ENPP2: variants seen among roughly 807,000 people sequenced by gnomAD.
ENPP2 encodes the protein autotaxin.
Under a neutral mutation model 120.2 loss-of-function variants are expected in ENPP2, and 51 were observed. The observed-to-expected ratio is 0.42, with a 90% CI of 0.34 to 0.54. The LOEUF is 0.54. Among genes scored for constraint, ENPP2 ranks in the 20% least tolerant of loss-of-function variants. The pLI, the probability that ENPP2 is intolerant of heterozygous loss-of-function variation, is 0.04. For missense variants in ENPP2, 920 were observed against 1,066.5 expected (o/e 0.86, Z 1.91); for synonymous variants, 365 against 366.4 (o/e 1.00, Z 0.04).
intron 21 of ENPP2, among the ~76,000 whole-genome samples, chr8:119,568,763 C>CTAA (rs1457837209): frequency 6.6e-6 from 1 of 152,084 alleles, no homozygotes. Flanking sequence ...ACCAGCTCAG[C>CTAA]TAATTTTTTA....
chr8:119,601,440 T>A lies in ENPP2; in HGVS notation c.856A>T (p.Ile286Leu). 6.2e-7 allele frequency: 1 copy of A among 1,613,268 alleles called. No homozygotes were observed. The highest frequency in any genetic ancestry group is 8.5e-7 in the Non-Finnish European group (1 of 1,179,268). ...WSVVIPHERRILTILQWLTLP... is the reference protein window; with the variant it reads ...WSVVIPHERRLLTILQWLTLP... Reference sequence around the variant, plus strand: ...GTGAGCCACTGCAATATGGTTAATATTCTCCGCTCGTGAGGGATGACACTG... The same window carrying A: ...GTGAGCCACTGCAATATGGTTAATAATCTCCGCTCGTGAGGGATGACACTG... The change falls in exon 10 of 25, where the codon ATA (isoleucine) becomes TTA (leucine). Residue 286 changes from isoleucine to leucine, a missense_variant. By Grantham distance (5) the Ile-to-Leu change is conservative. Coordinates refer to ENST00000075322, the MANE Select transcript of ENPP2 (RefSeq NM_001040092.3).
rs2129817793 is a variant in ENPP2, at chr8:119,557,428, AT to A, written c.*92del. 9.4e-7 allele frequency: 1 copy of A among 1,059,328 alleles called. No individual in the cohort carries two copies. Among genetic ancestry groups the A allele is most frequent in the South Asian group, 1.6e-5 (1 of 63,418 alleles). The allele number at this position is 1,059,328 out of a possible 1,614,324, so 65.6% of individuals were successfully genotyped here. A position where few individuals can be genotyped will look rare whatever the true frequency, so the allele number is the denominator to read the frequency against. ...TTTGGTACAGGATTAAAATACTAAC[AT>A]TTTTAATGTCCTGGTTTCAAATTAA... On this transcript the variant is annotated 3_prime_UTR_variant, in exon 25 of 25. Transcript: ENST00000075322.
rs1438078072 is a variant in ENPP2, at chr8:119,673,260, C to T, written c.13G>A (p.Ala5Thr). Residue 5 changes from alanine (A) to threonine (T), a missense_variant, in exon 1 of 26, where the codon GCC becomes ACC. Coordinates refer to the ENPP2 transcript ENST00000427067. The stretch of plus-strand genomic sequence containing the variant: ...AGAGGCGCATACCGTACCCGATCGG[C>T]GTGGCGGGTCATGCTGCGGGAGTCT... 5 of 1,535,078 alleles carry T rather than the reference C, an allele frequency of 3.3e-6. No homozygotes were observed. In the Admixed American group the frequency reaches 5.9e-5, roughly 18 times the overall value.
At chr8:119,653,435 G>T (rs1817680359) in intron 1 of ENPP2, among the ~76,000 whole-genome samples, 1 of 152,130 alleles carries the variant, frequency 6.6e-6, no homozygotes, top group Non-Finnish European at 1.5e-5. Context: ...TTTTCAGTTA[G>T]GCAGCAACAA....
chr8:119,632,644 C>T (rs1315353093), intron 2 of ENPP2, among the ~76,000 whole-genome samples: 1 of 152,178 alleles, frequency 6.6e-6, no homozygotes, highest in African/African-American at 2.4e-5. Flanking sequence ...TAAAGAAACA[C>T]CAATGTAAAA....
At chr8:119,565,812 C>T (rs1402345386) in intron 22 of ENPP2, among the ~76,000 whole-genome samples, 2 of 152,168 alleles carry the variant, frequency 1.3e-5, no homozygotes, top group Admixed American at 1.3e-4. Flanking sequence ...AGCCCACTCC[C>T]CCATATCGTA....
Position 119,568,254 on chromosome 8 carries a change from TA to T in ENPP2, c.2054-3del. 6.5e-7 allele frequency: 1 copy of T among 1,546,518 alleles called. No homozygotes were observed. Among genetic ancestry groups the T allele is most frequent in the Non-Finnish European group, 8.9e-7 (1 of 1,124,996 alleles). On this transcript the variant is annotated splice_region_variant and splice_polypyrimidine_tract_variant and intron_variant, in intron 21 of 24. Transcript: ENST00000075322. ...TAGCCTCTGGTGAAGAGCTCAGATC[TA>T]AACATTAGGAAAACAAATAGTATAC...
intron 3 of ENPP2, among the ~76,000 whole-genome samples, chr8:119,625,641 T>C (rs1816218378): frequency 6.6e-6 from 1 of 152,238 alleles, no homozygotes; most frequent in African/African-American, 2.4e-5. Flanking sequence ...CTTCTGGTGA[T>C]GTCAAGAACA....
intron 2 of ENPP2, among the ~76,000 whole-genome samples, chr8:119,632,074 A>T (rs985486417): frequency 1.3e-5 from 2 of 152,114 alleles, no homozygotes; most frequent in African/African-American, 4.8e-5. Context: ...TCTTTATTGT[A>T]CCTGACGTAA....
intron 1 of ENPP2, among the ~76,000 whole-genome samples, chr8:119,672,675 C>T (rs1022171613): frequency 5.9e-5 from 9 of 152,222 alleles, no homozygotes; most frequent in African/African-American, 2.2e-4. Flanking sequence ...AAGAAACTGG[C>T]TGTGCCGAAT....
intron 1 of ENPP2, among the ~76,000 whole-genome samples, chr8:119,654,425 T>C (rs920357847): frequency 6.9e-6 from 1 of 145,518 alleles, no homozygotes; most frequent in African/African-American, 2.5e-5. Context: ...TATAAAATAT[T>C]TATAGTATAA....
chr8:119,664,458 G>C (rs1818012947), intron 1 of ENPP2, among the ~76,000 whole-genome samples: 1 of 151,994 alleles, frequency 6.6e-6, no homozygotes, highest in African/African-American at 2.4e-5. Context: ...AAAATGATTT[G>C]CAAGCCGTGA....
chr8:119,611,958 G>A (rs912679853), intron 8 of ENPP2, among the ~76,000 whole-genome samples: 1 of 152,218 alleles, frequency 6.6e-6, no homozygotes, highest in Non-Finnish European at 1.5e-5. Context: ...GAACCCGGGA[G>A]GCGGAGGTTG....
At chr8:119,572,286 A>G (rs2130127376) in intron 19 of ENPP2, 1 of 1,449,726 alleles carries the variant, frequency 6.9e-7, no homozygotes, top group Non-Finnish European at 9.5e-7. Context: ...TTGAGAAGCT[A>G]TTCTCTTTTC....
chr8:119,670,279 A>G (rs1256632733), intron 1 of ENPP2, among the ~76,000 whole-genome samples: 28 of 152,252 alleles, frequency 1.8e-4, no homozygotes, highest in Admixed American at 1.8e-3. Flanking sequence ...ATATCCAGAA[A>G]GTCTAAAGCC....
At chr8:119,668,184 G>T (rs1175360442) in intron 1 of ENPP2, among the ~76,000 whole-genome samples, 1 of 152,188 alleles carries the variant, frequency 6.6e-6, no homozygotes, top group East Asian at 1.9e-4. Flanking sequence ...TAACACCTCT[G>T]CTCCTTTGTA....
intron 12 of ENPP2, among the ~76,000 whole-genome samples, chr8:119,591,461 T>C (rs1029412427): frequency 1.3e-5 from 2 of 152,198 alleles, no homozygotes; most frequent in African/African-American, 4.8e-5. Context: ...AATCTTAGCA[T>C]CATAGACTAT....
chr8:119,657,238 T>C (rs1193070102), intron 1 of ENPP2, among the ~76,000 whole-genome samples: 1 of 152,196 alleles, frequency 6.6e-6, no homozygotes, highest in African/African-American at 2.4e-5. Flanking sequence ...AATCTCGTTT[T>C]ATGAGTGAAG....
upstream of ENPP2, among the ~76,000 whole-genome samples, chr8:119,642,328 A>C: frequency 6.6e-6 from 1 of 151,718 alleles, no homozygotes. Context: ...TTATTTTTTG[A>C]ATTATTTGTT....
Sources: allele counts gnomAD v4.1 joint callset (sites outside exome capture counted in the v4.1 genomes callset), GRCh38; gene constraint gnomAD v4.1.1; transcripts MANE v1.5; gene names NCBI Gene and HGNC (gene_info 2026-07-23, HGNC 2026-07-21).